The following DPP10 variants were observed in gnomAD, a reference collection of about 807,000 sequenced individuals.
DPP10 encodes the protein dipeptidyl peptidase like 10, also known as inactive dipeptidyl peptidase 10.
A neutral mutation model predicts 120.9 loss-of-function variants in DPP10; 33 were observed. The observed-to-expected ratio is 0.27, with a 90% CI of 0.21 to 0.37. DPP10 has a LOEUF of 0.37. DPP10 is among the 10% of genes least tolerant of loss of function. The pLI, the probability that DPP10 is intolerant of heterozygous loss-of-function variation, is 1.00. For synonymous variants in DPP10, 337 were observed against 326.1 expected, an observed-to-expected ratio of 1.03 and a Z score of -0.36; for missense variants, 816 against 942.8, an observed-to-expected ratio of 0.87 and a Z score of 1.76.
intron 1 of DPP10, among the ~76,000 whole-genome samples, chr2:115,033,727 G>A (rs551401860): frequency 7.0e-6 from 1 of 143,566 alleles, no homozygotes; most frequent in South Asian, 2.2e-4. Flanking sequence ...TAGAGATACG[G>A]TGTTGTTCTA....
intron 4 of DPP10, among the ~76,000 whole-genome samples, chr2:115,511,195 C>T (rs1463675339): frequency 6.6e-6 from 1 of 152,024 alleles, no homozygotes; most frequent in Non-Finnish European, 1.5e-5. Flanking sequence ...ATGGAACTCA[C>T]TGATGATACC....
intron 1 of DPP10, among the ~76,000 whole-genome samples, chr2:115,185,717 T>A (rs1346316266): frequency 6.6e-6 from 1 of 152,160 alleles, no homozygotes; most frequent in Admixed American, 6.5e-5. Context: ...GATATCCAAT[T>A]CGGCATAGAT....
chr2:115,224,982 G>A (rs1389119164), intron 1 of DPP10, among the ~76,000 whole-genome samples: 1 of 152,018 alleles, frequency 6.6e-6, no homozygotes, highest in African/African-American at 2.4e-5. Flanking sequence ...CCAGAGCTAG[G>A]GTTTGAATCC....
intron 1 of DPP10, among the ~76,000 whole-genome samples, chr2:114,453,784 T>G (rs187609741): frequency 6.6e-6 from 1 of 152,220 alleles, no homozygotes; most frequent in East Asian, 1.9e-4. Context: ...AAAAACTGTA[T>G]ACTAAATGGC....
intron 1 of DPP10, among the ~76,000 whole-genome samples, chr2:114,720,192 C>T (rs149600821): frequency 7.2e-5 from 11 of 152,218 alleles, no homozygotes; most frequent in African/African-American, 9.6e-5. Flanking sequence ...AGAGAACTTG[C>T]GAAAATTCTG....
intron 1 of DPP10, among the ~76,000 whole-genome samples, chr2:114,554,276 GA>G (rs1294311638): frequency 6.6e-6 from 1 of 152,196 alleles, no homozygotes; most frequent in Non-Finnish European, 1.5e-5. Flanking sequence ...ATCCACTGAG[GA>G]CTGAATAGAA....
Position 115,402,895 on chromosome 2 carries a change from A to G in DPP10, c.271+58983A>G, listed in dbSNP as rs548905605. Among the ~76,000 whole-genome samples, 61 of 140,366 alleles carry G rather than the reference A, an allele frequency of 4.3e-4. 1 individual carries two copies. The highest frequency in any genetic ancestry group is 3.0e-3 in the East Asian group (15 of 5,020). 92.1% of individuals were successfully genotyped at this position (140,366 alleles called of 152,430 possible). On this transcript the variant is annotated intron_variant, in intron 3 of 25. Transcript: ENST00000410059. ...TATATATGTGTGTGTGTGTGTGTAT[A>G]TATATATGTATATATATGTGTGTAT...
chr2:115,727,708 C>A (rs2092799628), intron 7 of DPP10, 108 bp from the exon 8 acceptor site: 3 of 1,230,578 alleles, frequency 2.4e-6, no homozygotes, highest in South Asian at 2.0e-5. Flanking sequence ...AACTTGAAGC[C>A]CGTAAATAAT....
intron 1 of DPP10, among the ~76,000 whole-genome samples, chr2:114,524,317 C>G (rs1685315234): frequency 6.6e-6 from 1 of 152,158 alleles, no homozygotes; most frequent in South Asian, 2.1e-4. Context: ...CTGAACTAAT[C>G]TTAGTAGTTA....
intron 1 of DPP10, among the ~76,000 whole-genome samples, chr2:114,957,552 A>G (rs1698304901): frequency 6.6e-6 from 1 of 152,146 alleles, no homozygotes; most frequent in Admixed American, 6.5e-5. Context: ...TCAATAAACT[A>G]AAAATAGAGC....
chr2:114,635,498 T>G (rs1292801322), intron 1 of DPP10, among the ~76,000 whole-genome samples: 2 of 151,978 alleles, frequency 1.3e-5, no homozygotes, highest in Admixed American at 6.5e-5. Flanking sequence ...AGCTAATTTA[T>G]ATGAAGCTAT....
intron 1 of DPP10, among the ~76,000 whole-genome samples, chr2:114,482,480 TA>T (rs1681148592): frequency 6.6e-6 from 1 of 152,180 alleles, no homozygotes. Context: ...CTTGGTTGCT[TA>T]AAACAGACAT....
chr2:115,717,617 T>C (rs992063061), intron 7 of DPP10, among the ~76,000 whole-genome samples: 19 of 151,970 alleles, frequency 1.3e-4, no homozygotes, highest in African/African-American at 4.3e-4. Flanking sequence ...TATATATGTA[T>C]GTATATAAGT....
At chr2:114,795,065 T>A (rs1035154430) in intron 1 of DPP10, among the ~76,000 whole-genome samples, 2 of 152,226 alleles carry the variant, frequency 1.3e-5, no homozygotes, top group East Asian at 1.9e-4. Flanking sequence ...TGAAATTTTT[T>A]AAACTTATTC....
At chr2:115,474,269 C>G (rs555359234) in intron 3 of DPP10, among the ~76,000 whole-genome samples, 4 of 152,046 alleles carry the variant, frequency 2.6e-5, no homozygotes, top group Non-Finnish European at 5.9e-5. Context: ...AGTTTGAAAA[C>G]TAAAACAAAG....
intron 7 of DPP10, among the ~76,000 whole-genome samples, chr2:115,695,716 A>G (rs769569386): frequency 2.0e-5 from 3 of 152,210 alleles, no homozygotes; most frequent in Non-Finnish European, 4.4e-5. Context: ...TGATTTCCAG[A>G]GATACCAAAA....
intron 3 of DPP10, among the ~76,000 whole-genome samples, chr2:115,469,954 T>G (rs986534109): frequency 6.6e-6 from 1 of 152,012 alleles, no homozygotes; most frequent in Admixed American, 6.6e-5. Flanking sequence ...ATCTGTGTAT[T>G]GTATTGCATT....
intron 1 of DPP10, among the ~76,000 whole-genome samples, chr2:115,090,054 T>C (rs1326530253): frequency 6.6e-6 from 1 of 152,054 alleles, no homozygotes; most frequent in East Asian, 1.9e-4. Flanking sequence ...TTTTTTTTCA[T>C]GTCTAATTTT....
chr2:114,781,040 T>C (rs1448557643), intron 1 of DPP10, among the ~76,000 whole-genome samples: 2 of 152,152 alleles, frequency 1.3e-5, no homozygotes, highest in African/African-American at 2.4e-5. Flanking sequence ...AACATCTCCC[T>C]CTCTCTCTTT....
Sources: allele counts gnomAD v4.1 joint callset (sites outside exome capture counted in the v4.1 genomes callset), GRCh38; gene constraint gnomAD v4.1.1; transcripts MANE v1.5; gene names NCBI Gene and HGNC (gene_info 2026-07-23, HGNC 2026-07-21).